The following WDR72 variants were observed in gnomAD, a reference collection of about 807,000 sequenced individuals.
WDR72 encodes WD repeat domain 72.
In WDR72, 120 loss-of-function variants were observed where a neutral mutation model predicts 124.2. That is an observed-to-expected ratio of 0.97 (90% CI 0.83 to 1.12). The LOEUF (loss-of-function observed/expected upper bound fraction) is 1.12, where lower values mean the gene tolerates loss of function less well. Ranked by LOEUF, WDR72 falls within the 50% of genes most tolerant of loss-of-function variation. The pLI is 0.00. For synonymous variants in WDR72, 452 were observed against 441.7 expected, an observed-to-expected ratio of 1.02 and a Z score of -0.29; for missense variants, 1,387 against 1,278.8, an observed-to-expected ratio of 1.08 and a Z score of -1.29.
intron 19 of WDR72, among the ~76,000 whole-genome samples, chr15:53,519,993 T>C (rs1332340224): frequency 6.6e-6 from 1 of 152,126 alleles, no homozygotes; most frequent in Non-Finnish European, 1.5e-5. Flanking sequence ...TTCAAGCAAC[T>C]TGGCTTTGTT....
At chr15:53,701,016 T>A (rs2017157143) in intron 12 of WDR72, among the ~76,000 whole-genome samples, 1 of 152,222 alleles carries the variant, frequency 6.6e-6, no homozygotes. Flanking sequence ...TTAACTGACT[T>A]AAAAAATCAT....
intron 3 of WDR72, 77 bp from the exon 4 acceptor site, chr15:53,716,762 T>C: frequency 1.1e-6 from 1 of 935,130 alleles, no homozygotes; most frequent in African/African-American, 2.0e-5. Flanking sequence ...CCACCAAGTT[T>C]TTCTTTAGCA....
intron 18 of WDR72, among the ~76,000 whole-genome samples, chr15:53,529,429 T>C (rs1348577184): frequency 6.6e-6 from 1 of 151,830 alleles, no homozygotes; most frequent in Non-Finnish European, 1.5e-5. Flanking sequence ...GAGACTCAAA[T>C]ATTCTGCCAG....
At position 53,605,275 on chromosome 15, in the gene WDR72, T is replaced by C. The variant is rs1425223653; in HGVS notation, c.2952+4238A>G. Among the ~76,000 whole-genome samples, 5 of 151,986 alleles carry C rather than the reference T, an allele frequency of 3.3e-5. No individual in the cohort carries two copies. The South Asian group carries it at 8.3e-4, about 25-fold the overall frequency. On this transcript the variant is annotated intron_variant, in intron 17 of 19. Coordinates refer to ENST00000360509, the MANE Select transcript of WDR72 (RefSeq NM_182758.4). ...AATACTGCATGTTCTCACTTATAAG[T>C]GGGAGCTAAATGATGGGAACACTTG...
At chr15:53,753,343 T>C (rs552244186) in intron 1 of WDR72, among the ~76,000 whole-genome samples, 14 of 152,370 alleles carry the variant, frequency 9.2e-5, no homozygotes, top group Admixed American at 3.3e-4. Context: ...CCCACGATTC[T>C]AGTGTTTTCT....
intron 1 of WDR72, among the ~76,000 whole-genome samples, chr15:53,745,104 C>T (rs2140886574): frequency 6.6e-6 from 1 of 150,726 alleles, no homozygotes; most frequent in South Asian, 2.1e-4. Context: ...CTTTCCCACA[C>T]CTTAGTAACT....
rs374387291 is a variant in WDR72, at chr15:53,585,708, G to A, written c.3148+11371C>T. 4.6e-5 allele frequency among the ~76,000 whole-genome samples: 7 copies of A among 152,108 alleles called. No homozygotes were observed. The East Asian group carries it at 1.4e-3, about 30-fold the overall frequency. ...TCTAAAGCAAAGAATGCCTGTGAAAGGAGGTCAATATGGGCCAGAAATGGT... is the reference window on the plus strand; with the variant it reads ...TCTAAAGCAAAGAATGCCTGTGAAAAGAGGTCAATATGGGCCAGAAATGGT... On this transcript the variant is annotated intron_variant, in intron 18 of 19. Transcript: ENST00000360509.
chr15:53,569,482 A>T (rs562304368), intron 18 of WDR72, among the ~76,000 whole-genome samples: 1 of 152,184 alleles, frequency 6.6e-6, no homozygotes, highest in Admixed American at 6.6e-5. Flanking sequence ...AAAATACAGT[A>T]TTGAATACAG....
chr15:53,690,504 T>C (rs1319992471), intron 13 of WDR72, among the ~76,000 whole-genome samples: 1 of 152,204 alleles, frequency 6.6e-6, no homozygotes, highest in Non-Finnish European at 1.5e-5. Context: ...TTTGCCTTTT[T>C]TGGATATGTC....
intron 1 of WDR72, among the ~76,000 whole-genome samples, chr15:53,744,179 G>C (rs528958111): frequency 6.6e-6 from 1 of 152,046 alleles, no homozygotes; most frequent in Non-Finnish European, 1.5e-5. Context: ...GCATGCCATC[G>C]TACATAATGA....
chr15:53,695,033 T>C (rs1337455348), intron 13 of WDR72, among the ~76,000 whole-genome samples: 1 of 152,170 alleles, frequency 6.6e-6, no homozygotes, highest in Non-Finnish European at 1.5e-5. Flanking sequence ...ACAAAGATCA[T>C]ACGGACCACA....
intron 2 of WDR72, among the ~76,000 whole-genome samples, chr15:53,724,337 G>C (rs535380632): frequency 6.8e-6 from 1 of 146,620 alleles, no homozygotes; most frequent in African/African-American, 2.8e-5. Flanking sequence ...GGTGATAGAT[G>C]TGTTAACTAA....
chr15:53,577,875 T>C (rs1266192153), intron 18 of WDR72, among the ~76,000 whole-genome samples: 1 of 152,154 alleles, frequency 6.6e-6, no homozygotes, highest in Non-Finnish European at 1.5e-5. Context: ...TGATTCTGGG[T>C]AATCACAATT....
chr15:53,631,542 G>A (rs2014428770), intron 14 of WDR72, among the ~76,000 whole-genome samples: 1 of 152,222 alleles, frequency 6.6e-6, no homozygotes, highest in African/African-American at 2.4e-5. Flanking sequence ...GGTTGAAAGA[G>A]TATGGAGGCC....
In WDR72 at chr15:53,571,520, T is replaced by C. The variant is rs543253718; in HGVS notation, c.3148+25559A>G. Among the ~76,000 whole-genome samples the C allele has an allele frequency of 1.9e-4, 29 of 152,228 alleles. No homozygotes were observed. In the South Asian group the frequency reaches 5.8e-3, roughly 30 times the overall value. Reference sequence around the variant, plus strand: ...TTCACTCAACATAATGTCTTCCAGGTTCATTGATGTTGTTGCAAATACTAG... The same window carrying C: ...TTCACTCAACATAATGTCTTCCAGGCTCATTGATGTTGTTGCAAATACTAG... On this transcript the variant is annotated intron_variant, in intron 18 of 19. Transcript: ENST00000360509.
intron 19 of WDR72, among the ~76,000 whole-genome samples, chr15:53,518,419 CTGTG>C (rs371876012): frequency 3.2e-4 from 49 of 151,452 alleles, no homozygotes; most frequent in Non-Finnish European, 4.0e-4. Context: ...TGTATACTAA[CTGTG>C]TGTGTGTGTG....
chr15:53,682,973 TAC>T (rs762898274), intron 13 of WDR72, among the ~76,000 whole-genome samples: 1 of 152,152 alleles, frequency 6.6e-6, no homozygotes, highest in African/African-American at 2.4e-5. Flanking sequence ...TCAGGAAACT[TAC>T]AGTTATGGCA....
At chr15:53,642,730 A>G (rs1372830216) in intron 14 of WDR72, among the ~76,000 whole-genome samples, 1 of 152,144 alleles carries the variant, frequency 6.6e-6, no homozygotes, top group Non-Finnish European at 1.5e-5. Context: ...TTACTGGCAT[A>G]ATATCCAGGA....
chr15:53,685,589 T>C (rs1019170085), intron 13 of WDR72, among the ~76,000 whole-genome samples: 1 of 148,256 alleles, frequency 6.7e-6, no homozygotes, highest in Non-Finnish European at 1.5e-5. Context: ...GTCTGATTGG[T>C]GTACCTGAAA....
Sources: allele counts gnomAD v4.1 joint callset (sites outside exome capture counted in the v4.1 genomes callset), GRCh38; gene constraint gnomAD v4.1.1; transcripts MANE v1.5; gene names NCBI Gene and HGNC (gene_info 2026-07-23, HGNC 2026-07-21).